Variants in IL10RA observed in about 807,000 individuals in gnomAD.
The protein encoded by IL10RA is interleukin-10 receptor subunit alpha.
Under a neutral mutation model 29.6 loss-of-function variants are expected in IL10RA, and 18 were observed. That is an observed-to-expected ratio of 0.61 (90% CI 0.42 to 0.90). The LOEUF (loss-of-function observed/expected upper bound fraction) is 0.90, where lower values mean the gene tolerates loss of function less well. Among genes scored for constraint, IL10RA ranks in the 40% least tolerant of loss-of-function variants. IL10RA has a pLI of 0.00. For synonymous variants in IL10RA, 292 were observed against 294.1 expected, an observed-to-expected ratio of 0.99 and a Z score of 0.07; for missense variants, 634 against 716.6, an observed-to-expected ratio of 0.88 and a Z score of 1.32.
intron 6 of IL10RA, among the ~76,000 whole-genome samples, chr11:117,998,324 C>A (rs2058069561): frequency 6.6e-6 from 1 of 152,168 alleles, no homozygotes; most frequent in Non-Finnish European, 1.5e-5. Flanking sequence ...GTTATATATA[C>A]AAGTCATTAT....
chr11:117,995,994 T>C (rs1454623447), intron 6 of IL10RA, among the ~76,000 whole-genome samples: 2 of 152,150 alleles, frequency 1.3e-5, no homozygotes, highest in South Asian at 2.1e-4. Flanking sequence ...CTACTAGTAG[T>C]TGGCCATGGA....
chr11:117,998,958 G>A lies in IL10RA; in HGVS notation c.1054G>A (p.Glu352Lys). The change falls in exon 7 of 7, where the codon GAG (glutamate) becomes AAG (lysine). Residue 352 changes from glutamate to lysine, a missense_variant. Glu to Lys is a moderately conservative substitution (Grantham distance 56). Coordinates refer to ENST00000227752, the MANE Select transcript of IL10RA (RefSeq NM_001558.4). ...PQADRTLGNREPPVLGDSCSS... is the reference protein window; with the variant it reads ...PQADRTLGNRKPPVLGDSCSS... ...GGCTGACAGAACGCTGGGAAACAGG[G>A]AGCCCCCTGTGCTGGGGGACAGCTG... 1 of 1,613,486 alleles carries A rather than the reference G, an allele frequency of 6.2e-7. No individual in the cohort carries two copies. Among genetic ancestry groups the A allele is most frequent in the South Asian group, 1.1e-5 (1 of 91,056 alleles).
At chr11:117,986,927 T>G in intron 1 of IL10RA, 1 of 943,886 alleles carries the variant, frequency 1.1e-6, no homozygotes, top group Non-Finnish European at 1.5e-6. Context: ...ACTCTTCAAC[T>G]AACCTCTGTC....
chr11:118,001,402 G>A lies in IL10RA; in HGVS notation c.*1761G>A, dbSNP rs1352817423. ...ATGTGAGGTTCTGCTGAGGAAATGGGTATGAATGTGCCTTGAACACAAAGC... is the reference window on the plus strand; with the variant it reads ...ATGTGAGGTTCTGCTGAGGAAATGGATATGAATGTGCCTTGAACACAAAGC... On this transcript the variant is annotated 3_prime_UTR_variant, in exon 7 of 7. Coordinates refer to ENST00000227752, the MANE Select transcript of IL10RA (RefSeq NM_001558.4). 3 of 452,884 alleles carry A rather than the reference G, an allele frequency of 6.6e-6. No individual in the cohort carries two copies. Among genetic ancestry groups the A allele is most frequent in the South Asian group, 3.1e-5 (2 of 64,428 alleles). The allele number at this position is 452,884 out of a possible 1,614,324, so 28.1% of individuals were successfully genotyped here. A position where few individuals can be genotyped will look rare whatever the true frequency, so the allele number is the denominator to read the frequency against.
At position 117,993,390 on chromosome 11, in the gene IL10RA, A is replaced by C; in HGVS notation, c.517A>C (p.Lys173Gln). ...HFREYEIAIRKVPGNFTFTHK... is the reference protein window; with the variant it reads ...HFREYEIAIRQVPGNFTFTHK... ...CCGAGAGTATGAGATTGCCATTCGC[A>C]AGGTGCCGGGAAACTTCACGGTATG... Residue 173 changes from lysine to glutamine, a missense_variant, in exon 4 of 7, where the codon AAG (lysine) becomes CAG (glutamine). Coordinates refer to ENST00000227752, the MANE Select transcript of IL10RA (RefSeq NM_001558.4). 6.2e-7 allele frequency: 1 copy of C among 1,614,214 alleles called. No individual in the cohort carries two copies. The highest frequency in any genetic ancestry group is 1.3e-5 in the African/African-American group (1 of 75,062).
intron 2 of IL10RA, among the ~76,000 whole-genome samples, 193 bp downstream of exon 2, chr11:117,988,695 GCCAGAGC>G (rs1235588793): frequency 2.6e-5 from 4 of 152,178 alleles, no homozygotes; most frequent in Admixed American, 2.6e-4. Context: ...GGGTGAAAAG[GCCAGAGC>G]CTTTGCTCAC....
In IL10RA at chr11:117,989,668, GC is replaced by G; in HGVS notation, c.367+50del. Reference sequence around the variant, plus strand: ...GAACATGGCTCTGAAGTCCCTTCCAGCCAGGAACTCTAGTCTAGAGCTTTTC... The same window carrying G: ...GAACATGGCTCTGAAGTCCCTTCCAGCAGGAACTCTAGTCTAGAGCTTTTC... On this transcript the variant is annotated intron_variant, in intron 3 of 6. Coordinates refer to ENST00000227752, the MANE Select transcript of IL10RA (RefSeq NM_001558.4). The surrounding 1 kb of genome is among the most constrained non-coding windows in gnomAD (Gnocchi z 4.5). 1 of 1,576,252 alleles carries G rather than the reference GC, an allele frequency of 6.3e-7. No individual in the cohort carries two copies. The highest frequency in any genetic ancestry group is 8.7e-7 in the Non-Finnish European group (1 of 1,150,428).
intron 3 of IL10RA, among the ~76,000 whole-genome samples, chr11:117,990,638 C>T (rs2058016474): frequency 1.3e-5 from 2 of 152,078 alleles, no homozygotes; most frequent in Non-Finnish European, 2.9e-5. Flanking sequence ...TGATGACCCT[C>T]CCCTGCCACC....
rs958086625 is a variant in IL10RA, at chr11:118,000,523, C to T, written c.*882C>T. 1 of 454,144 alleles carries T rather than the reference C, an allele frequency of 2.2e-6. No homozygotes were observed. Among genetic ancestry groups the T allele is most frequent in the African/African-American group, 2.0e-5 (1 of 50,000 alleles). 28.1% of individuals were successfully genotyped at this position (454,144 alleles called of 1,614,324 possible). On this transcript the variant is annotated 3_prime_UTR_variant, in exon 7 of 7. Transcript: ENST00000227752. ...TTTGGGCGGCCTCTGGGCTTGGGCA[C>T]CAGCTCATGCCAGCCCCAGAGGGTC...
rs1429460104 is a variant in IL10RA at position 118,000,657 on chromosome 11, G to A, written c.*1016G>A. 1 of 454,226 alleles carries A rather than the reference G, an allele frequency of 2.2e-6. No individual in the cohort carries two copies. Among genetic ancestry groups the A allele is most frequent in the East Asian group, 6.9e-5 (1 of 14,524 alleles). 28.1% of individuals were successfully genotyped at this position (454,226 alleles called of 1,614,324 possible). A position where few individuals can be genotyped will look rare whatever the true frequency, so the allele number is the denominator to read the frequency against. On this transcript the variant is annotated 3_prime_UTR_variant, in exon 7 of 7. Transcript: ENST00000227752. The stretch of plus-strand genomic sequence containing the variant: ...CCCTGCCTTGTTGGTGTTCAGCTGT[G>A]TGATTTTGGACTAGCCACTTGTCAG...
rs770983342 is a variant in IL10RA, at chr11:117,994,129, G to A, written c.668G>A (p.Cys223Tyr). ...SNKGMWSKEE[C>Y]ISLTRQYFTV... is the part of the protein sequence containing the mutation. Reference sequence around the variant, plus strand: ...AAGGGGATGTGGTCTAAAGAGGAGTGCATCTCCCTCACCAGGCAGTGTGAG... The same window carrying A: ...AAGGGGATGTGGTCTAAAGAGGAGTACATCTCCCTCACCAGGCAGTGTGAG... The change falls in exon 5 of 7, where the codon TGC (cysteine) becomes TAC (tyrosine). Residue 223 changes from cysteine to tyrosine, a missense_variant. By Grantham distance (194) the Cys-to-Tyr change is radical (BLOSUM62 -2). Transcript: ENST00000227752. 1.2e-6 allele frequency: 2 copies of A among 1,614,130 alleles called. No homozygotes were observed. The highest frequency in any genetic ancestry group is 2.2e-5 in the South Asian group (2 of 91,088).
At chr11:117,990,635 C>T (rs1259440826) in intron 3 of IL10RA, among the ~76,000 whole-genome samples, 1 of 151,898 alleles carries the variant, frequency 6.6e-6, no homozygotes, top group Non-Finnish European at 1.5e-5. Flanking sequence ...TATTGATGAC[C>T]CTCCCCTGCC....
Position 117,993,396 on chromosome 11 carries a change from C to T in IL10RA, c.523C>T (p.Pro175Ser). Residue 175 changes from proline (P) to serine (S), a missense_variant, in exon 4 of 7, where the codon CCG (proline) becomes TCG (serine). Transcript: ENST00000227752. ...GTATGAGATTGCCATTCGCAAGGTG[C>T]CGGGAAACTTCACGGTATGGGGTTC... is the stretch of plus-strand genomic sequence containing the variant. Reference protein sequence around the residue: ...REYEIAIRKVPGNFTFTHKKV... With the variant: ...REYEIAIRKVSGNFTFTHKKV... 1.2e-6 allele frequency: 2 copies of T among 1,614,150 alleles called. No individual in the cohort carries two copies. Among genetic ancestry groups the T allele is most frequent in the East Asian group, 2.2e-5 (1 of 44,894 alleles).
chr11:118,002,608 A>G (rs761084785), downstream of IL10RA: 1 of 152,304 alleles, frequency 6.6e-6, no homozygotes, highest in East Asian at 1.9e-4. Flanking sequence ...GTTTGGTTGG[A>G]TACGACAGAT....
At position 117,999,068 on chromosome 11, in the gene IL10RA, G is replaced by A; in HGVS notation, c.1164G>A (p.Glu388=). The A allele has an allele frequency of 6.2e-7, 1 of 1,611,574 alleles. No homozygotes were observed. The highest frequency in any genetic ancestry group is 2.2e-5 in the East Asian group (1 of 44,800). The change falls in exon 7 of 7, where the codon GAG becomes GAA. Residue 388 remains glutamate, a synonymous_variant. Transcript: ENST00000227752. ...SLSPSTGPTW[E]QQVGSNSRGQ... is the part of the protein sequence containing the mutation. ...GCCCCAGCACAGGGCCCACCTGGGA[G>A]CAACAGGTGGGGAGCAACAGCAGGG...
chr11:117,993,338 C>T lies in IL10RA; in HGVS notation c.465C>T (p.Asp155=), dbSNP rs138148977. The T allele has an allele frequency of 2.1e-5, 34 of 1,613,958 alleles. No individual in the cohort carries two copies. The East Asian group carries it at 6.7e-4, about 32-fold the overall frequency. ...GGCCCAAGATGGCCCCCGCAAATGA[C>T]ACATATGAAAGCATCTTCAGTCACT... ...LPRPKMAPAN[D]TYESIFSHFR... is the part of the protein sequence containing the mutation. The change falls in exon 4 of 7, where the codon GAC becomes GAT. Residue 155 remains aspartate, a synonymous_variant. Transcript: ENST00000227752.
chr11:117,988,577 GAT>G, intron 2 of IL10RA, 75 bp downstream of exon 2: 1 of 1,561,376 alleles, frequency 6.4e-7, no homozygotes, highest in South Asian at 1.1e-5. Context: ...AGCATGGGAA[GAT>G]ACCTGCCTTG....
At chr11:118,002,784 C>G (rs1018447267), downstream of IL10RA, 1 of 152,164 alleles carries the variant, frequency 6.6e-6, no homozygotes, top group Admixed American at 6.5e-5. Flanking sequence ...AGAAACTGAG[C>G]GAGTCCTTCC....
intron 3 of IL10RA, chr11:117,992,870 A>C (rs920250803): frequency 1.1e-5 from 3 of 266,454 alleles, no homozygotes; most frequent in African/African-American, 6.7e-5. Flanking sequence ...ATTGTTGCGT[A>C]AGAGGTGAGA....
Sources: gnomAD v4.1 joint callset for allele counts (sites outside exome capture counted in the v4.1 genomes callset) on GRCh38, gnomAD v4.1.1 for gene constraint, Gnocchi (gnomAD v3.1) non-coding constraint, MANE v1.5 for transcripts, NCBI Gene and HGNC (gene_info 2026-07-23, HGNC 2026-07-21) for gene names.